The following LRRFIP1 variants were observed in gnomAD, a reference collection of about 807,000 sequenced individuals.
LRRFIP1 encodes the protein LRR binding FLII interacting protein 1, also known as leucine-rich repeat flightless-interacting protein 1.
A neutral mutation model predicts 104.4 loss-of-function variants in LRRFIP1; 62 were observed. The observed-to-expected ratio is 0.59, with a 90% CI of 0.48 to 0.73. The LOEUF (loss-of-function observed/expected upper bound fraction) is 0.73, where lower values mean the gene tolerates loss of function less well. Ranked by LOEUF, LRRFIP1 falls within the 30% of genes least tolerant of loss-of-function variation. The pLI, the probability that LRRFIP1 is intolerant of heterozygous loss-of-function variation, is 0.00. For synonymous variants in LRRFIP1, 300 were observed against 299.0 expected (o/e 1.00, Z -0.03); for missense variants, 796 against 824.5 (o/e 0.97, Z 0.42).
chr2:237,629,476 T>C (rs1426190954), intron 1 of LRRFIP1, among the ~76,000 whole-genome samples: 6 of 148,794 alleles, frequency 4.0e-5, no homozygotes, highest in Non-Finnish European at 8.9e-5. Flanking sequence ...TCTTTTTTTT[T>C]TTTTTTTTTT....
rs773472391 is a variant in LRRFIP1 at position 237,751,225 on chromosome 2, T to C, written c.821T>C (p.Ile274Thr). 5.6e-6 allele frequency: 9 copies of C among 1,610,566 alleles called. No homozygotes were observed. Among genetic ancestry groups the C allele is most frequent in the African/African-American group, 1.3e-5 (1 of 74,898 alleles). The change falls in exon 14 of 24, where the codon ATT becomes ACT. Residue 274 changes from isoleucine (I) to threonine (T), a missense_variant. Coordinates refer to ENST00000308482, the MANE Select transcript of LRRFIP1 (RefSeq NM_001137550.2). ...GAACTCAATGAGTTAAAGGACCAGA[T>C]TCAGGATGTAGAAGGCAAATACATG... ...IKELNELKDQ[I>T]QDVEGKYMQG...
Position 237,756,180 on chromosome 2 carries a change from T to C in LRRFIP1, c.1124T>C (p.Met375Thr), listed in dbSNP as rs1385777218. 4.1e-5 allele frequency: 66 copies of C among 1,612,968 alleles called. No homozygotes were observed. The highest frequency in any genetic ancestry group is 5.3e-5 in the Non-Finnish European group (62 of 1,179,234). The change falls in exon 16 of 24, where the codon ATG becomes ACG. Residue 375 changes from methionine to threonine, a missense_variant. Coordinates refer to ENST00000308482, the MANE Select transcript of LRRFIP1 (RefSeq NM_001137550.2). Reference protein sequence around the residue: ...VKEALKQREEMLEEIRQLQQK... With the variant: ...VKEALKQREETLEEIRQLQQK... ...GAGGCCCTGAAGCAAAGAGAGGAAA[T>C]GCTCGAGGTAGGTAGCATTCTCCTG...
At chr2:237,755,157 C>T (rs796298395) in intron 15 of LRRFIP1, among the ~76,000 whole-genome samples, 7 of 152,318 alleles carry the variant, frequency 4.6e-5, no homozygotes, top group African/African-American at 1.4e-4. Context: ...CCAGGGATTG[C>T]GCTGCTGTGA....
intron 11 of LRRFIP1, among the ~76,000 whole-genome samples, chr2:237,745,394 G>A (rs1036809488): frequency 2.0e-5 from 3 of 152,130 alleles, no homozygotes; most frequent in African/African-American, 7.2e-5. Flanking sequence ...TTCTCTGCAT[G>A]GTCTCTACTT....
chr2:237,653,531 A>G (rs765724148), intron 1 of LRRFIP1, among the ~76,000 whole-genome samples: 8 of 152,238 alleles, frequency 5.3e-5, no homozygotes, highest in Non-Finnish European at 1.2e-4. Flanking sequence ...ACCAAATCAG[A>G]AAAGACTCCT....
intron 1 of LRRFIP1, 50 bp downstream of exon 1, chr2:237,627,790 C>T (rs986406172): frequency 2.7e-4 from 295 of 1,110,376 alleles, no homozygotes; most frequent in Non-Finnish European, 3.1e-4. Flanking sequence ...GCGCGGGGGC[C>T]GGACGGCTGT....
Position 237,717,751 on chromosome 2 carries a change from T to C in LRRFIP1, c.202-11T>C. On this transcript the variant is annotated splice_polypyrimidine_tract_variant and intron_variant, in intron 3 of 23. Transcript: ENST00000308482. This position sits in a 1 kb window ranked among gnomAD's most constrained non-coding sequence, Gnocchi z 4.2. ...ACTTCTTGCCTAATTTTCTTTCCCT[T>C]CTGTCTATAGAAATATTATGGGCTG... The C allele has an allele frequency of 6.2e-7, 1 of 1,604,754 alleles. No individual in the cohort carries two copies. Among genetic ancestry groups the C allele is most frequent in the East Asian group, 2.2e-5 (1 of 44,860 alleles).
intron 1 of LRRFIP1, among the ~76,000 whole-genome samples, chr2:237,633,760 G>C (rs2082718771): frequency 6.6e-6 from 1 of 152,166 alleles, no homozygotes; most frequent in African/African-American, 2.4e-5. Flanking sequence ...ACATGGCTGA[G>C]GCCACCTATT....
intron 7 of LRRFIP1, among the ~76,000 whole-genome samples, chr2:237,725,840 T>G (rs1444790747): frequency 1.3e-5 from 2 of 152,206 alleles, no homozygotes; most frequent in African/African-American, 4.8e-5. Flanking sequence ...GCTGGAGAAC[T>G]ACAGTGCAAA....
Position 237,649,236 on chromosome 2 carries a change from AC to A in LRRFIP1, c.96+21497del, listed in dbSNP as rs2085479051. Among the ~76,000 whole-genome samples the A allele has an allele frequency of 6.6e-6, 1 of 151,798 alleles. No individual in the cohort carries two copies. Among genetic ancestry groups the A allele is most frequent in the Non-Finnish European group, 1.5e-5 (1 of 67,880 alleles). ...TCCCCACCCACAGCTGTGCCCAGCT[AC>A]GAACACTGTAGGCCGGGCGCGATGG... is the stretch of plus-strand genomic sequence containing the variant. On this transcript the variant is annotated intron_variant, in intron 1 of 23. Transcript: ENST00000308482. This position sits in a 1 kb window ranked among gnomAD's most constrained non-coding sequence, Gnocchi z 4.1.
rs779016922 is a variant in LRRFIP1, at chr2:237,720,823, G to A, written c.345+1G>A. On this transcript the variant is annotated splice_donor_variant, in intron 6 of 23. Coordinates refer to ENST00000308482, the MANE Select transcript of LRRFIP1 (RefSeq NM_001137550.2). LOFTEE classifies it high-confidence loss of function. ...AGTGGGTAGTCGTGGAAGCCTGAGG[G>A]TCAGTAACCAGAATGATGGAGTTTG... 6 of 1,613,828 alleles carry A rather than the reference G, an allele frequency of 3.7e-6. No homozygotes were observed. The highest frequency in any genetic ancestry group is 4.2e-6 in the Non-Finnish European group (5 of 1,179,798).
intron 14 of LRRFIP1, among the ~76,000 whole-genome samples, chr2:237,752,206 G>C (rs2058708181): frequency 6.6e-6 from 1 of 152,180 alleles, no homozygotes; most frequent in African/African-American, 2.4e-5. Flanking sequence ...AGGAGTTTGA[G>C]ACCAGCCTGG....
intron 19 of LRRFIP1, chr2:237,765,919 T>C (rs1463811854): frequency 5.1e-6 from 5 of 984,790 alleles, no homozygotes; most frequent in African/African-American, 1.7e-5. Flanking sequence ...TGTGCAAGCC[T>C]GTGGTTCCAC....
At chr2:237,643,230 G>C (rs2084306924) in intron 1 of LRRFIP1, among the ~76,000 whole-genome samples, 1 of 152,242 alleles carries the variant, frequency 6.6e-6, no homozygotes, top group African/African-American at 2.4e-5. Context: ...CAACGCTGTT[G>C]CTTTCCTCTC....
intron 2 of LRRFIP1, among the ~76,000 whole-genome samples, chr2:237,710,202 T>C (rs1028126776): frequency 2.8e-4 from 43 of 152,210 alleles, no homozygotes; most frequent in African/African-American, 9.4e-4. Context: ...AGGTGCTTTT[T>C]CACACTGCCC....
intron 1 of LRRFIP1, among the ~76,000 whole-genome samples, chr2:237,647,689 C>T (rs931425037): frequency 4.3e-5 from 5 of 115,528 alleles, no homozygotes; most frequent in Non-Finnish European, 2.2e-5. Context: ...AGCAGGGTCA[C>T]GCCCTGTCAC....
At chr2:237,634,627 A>G (rs1039262298) in intron 1 of LRRFIP1, among the ~76,000 whole-genome samples, 1 of 152,258 alleles carries the variant, frequency 6.6e-6, no homozygotes, top group Non-Finnish European at 1.5e-5. Flanking sequence ...GTCACATAGT[A>G]AATGCTCAGT....
At chr2:237,768,607 T>A (rs745856002) in intron 19 of LRRFIP1, 1 of 152,174 alleles carries the variant, frequency 6.6e-6, no homozygotes, top group Non-Finnish European at 1.5e-5. Context: ...GAGTAAAACA[T>A]CTGTCAGAAG....
chr2:237,771,701 C>G (rs2060665768), intron 20 of LRRFIP1, among the ~76,000 whole-genome samples: 1 of 152,100 alleles, frequency 6.6e-6, no homozygotes, highest in Admixed American at 6.5e-5. Flanking sequence ...TGAGAAAGCA[C>G]TCGACTTTTG....
Sources: allele counts gnomAD v4.1 joint callset (sites outside exome capture counted in the v4.1 genomes callset), GRCh38; gene constraint gnomAD v4.1.1; non-coding constraint Gnocchi (gnomAD v3.1); transcripts MANE v1.5; gene names NCBI Gene and HGNC (gene_info 2026-07-23, HGNC 2026-07-21).